The following TAF1B variants were observed in gnomAD, a reference collection of about 807,000 sequenced individuals.
The protein encoded by TAF1B is TATA-box binding protein associated factor, RNA polymerase I subunit B, also known as TATA box-binding protein-associated factor RNA polymerase I subunit B.
TAF1B carries 61 observed loss-of-function variants against 83.9 expected under a neutral mutation model. That is an observed-to-expected ratio of 0.73 (90% CI 0.59 to 0.90). The LOEUF (loss-of-function observed/expected upper bound fraction) is 0.90, where lower values mean the gene tolerates loss of function less well. TAF1B is among the 40% of genes least tolerant of loss of function. The pLI is 0.00. For synonymous variants in TAF1B, 221 were observed against 224.6 expected, an observed-to-expected ratio of 0.98 and a Z score of 0.14; for missense variants, 625 against 677.0, an observed-to-expected ratio of 0.92 and a Z score of 0.85.
At chr2:9,849,711 A>T (rs186662573) in intron 3 of TAF1B, among the ~76,000 whole-genome samples, 12 of 152,320 alleles carry the variant, frequency 7.9e-5, no homozygotes, top group East Asian at 3.9e-4. Flanking sequence ...GTTAAATATG[A>T]TATTCAACTT....
intron 14 of TAF1B, among the ~76,000 whole-genome samples, chr2:9,929,613 A>G (rs868841648): frequency 5.8e-4 from 88 of 152,290 alleles, no homozygotes; most frequent in African/African-American, 1.9e-3. Flanking sequence ...TTTTTGTATC[A>G]ATGTTCATCA....
At chr2:9,891,521 A>C (rs1371421781) in intron 8 of TAF1B, among the ~76,000 whole-genome samples, 1 of 152,188 alleles carries the variant, frequency 6.6e-6, no homozygotes, top group Non-Finnish European at 1.5e-5. Flanking sequence ...TGTTACTGTT[A>C]CTGGTTTATG....
chr2:9,919,798 A>G lies in TAF1B; in HGVS notation c.1543A>G (p.Ser515Gly). The G allele has an allele frequency of 6.2e-7, 1 of 1,614,080 alleles. No individual in the cohort carries two copies. The change falls in exon 14 of 15, where the codon AGT becomes GGT. Residue 515 changes from serine to glycine, a missense_variant. Coordinates refer to ENST00000263663, the MANE Select transcript of TAF1B (RefSeq NM_005680.3). ...LLTKNSLYWL[S>G]TQKFCRCYCT... ...GACTAAGAATTCATTATATTGGCTT[A>G]GTACACAGAAATTCTGCAGATGGTA...
chr2:9,854,035 A>G (rs1663482311), intron 4 of TAF1B, among the ~76,000 whole-genome samples: 1 of 152,166 alleles, frequency 6.6e-6, no homozygotes, highest in South Asian at 2.1e-4. Context: ...ATACATTTAG[A>G]TGGAAGACTT....
intron 14 of TAF1B, among the ~76,000 whole-genome samples, chr2:9,920,453 A>T (rs1665839011): frequency 6.6e-6 from 1 of 151,872 alleles, no homozygotes. Context: ...GATGTTACAC[A>T]ATGTTTCTGA....
chr2:9,918,052 A>G (rs1351918423), intron 12 of TAF1B, among the ~76,000 whole-genome samples: 1 of 150,490 alleles, frequency 6.6e-6, no homozygotes, highest in Non-Finnish European at 1.5e-5. Context: ...AGCCTGGGCG[A>G]CAGAGCGAGA....
chr2:9,858,691 A>G (rs1249124429), intron 5 of TAF1B, among the ~76,000 whole-genome samples: 1 of 152,224 alleles, frequency 6.6e-6, no homozygotes, highest in Non-Finnish European at 1.5e-5. Context: ...ATGCACCCAC[A>G]GGCCCATCGC....
At chr2:9,927,849 C>T (rs527998068) in intron 14 of TAF1B, among the ~76,000 whole-genome samples, 3 of 152,280 alleles carry the variant, frequency 2.0e-5, no homozygotes, top group South Asian at 4.1e-4. Context: ...TTTTGCTGTG[C>T]AGAAGCTTGT....
chr2:9,927,401 G>C (rs945771456), intron 14 of TAF1B, among the ~76,000 whole-genome samples: 19 of 152,160 alleles, frequency 1.2e-4, no homozygotes, highest in Non-Finnish European at 2.5e-4. Flanking sequence ...GGGGATCACT[G>C]GGTCAAACTG....
chr2:9,932,359 A>G (rs1414126462), intron 14 of TAF1B, among the ~76,000 whole-genome samples: 1 of 150,534 alleles, frequency 6.6e-6, no homozygotes, highest in African/African-American at 2.4e-5. Context: ...TTTGTTGTGG[A>G]TGTCCTTTTT....
intron 14 of TAF1B, among the ~76,000 whole-genome samples, chr2:9,928,652 T>A (rs539152064): frequency 6.6e-6 from 1 of 151,158 alleles, no homozygotes; most frequent in South Asian, 2.1e-4. Context: ...ATGATTTAGC[T>A]CTCTGTTTGT....
chr2:9,870,507 G>A (rs1457804377), intron 6 of TAF1B, among the ~76,000 whole-genome samples: 1 of 152,108 alleles, frequency 6.6e-6, no homozygotes, highest in Non-Finnish European at 1.5e-5. Context: ...AAAATTTGTA[G>A]TCTACCTTCA....
At chr2:9,882,625 T>A (rs572989217) in intron 7 of TAF1B, 81 bp from the exon 8 acceptor site, 1 of 815,822 alleles carries the variant, frequency 1.2e-6, no homozygotes, top group African/African-American at 1.8e-5. Flanking sequence ...TGTCTTTGAA[T>A]TAAGAGATTT....
intron 5 of TAF1B, among the ~76,000 whole-genome samples, chr2:9,863,777 C>T (rs970605678): frequency 2.6e-5 from 4 of 152,154 alleles, no homozygotes; most frequent in African/African-American, 9.7e-5. Context: ...CAAACTAGAA[C>T]TCAAGATTAA....
intron 4 of TAF1B, chr2:9,852,197 G>T: frequency 3.3e-6 from 1 of 298,784 alleles, no homozygotes; most frequent in South Asian, 3.2e-5. Flanking sequence ...CCAAGAATGT[G>T]CATTTCTAAC....
chr2:9,886,968 G>A (rs1167531759), intron 8 of TAF1B, among the ~76,000 whole-genome samples: 1 of 152,140 alleles, frequency 6.6e-6, no homozygotes, highest in Non-Finnish European at 1.5e-5. Flanking sequence ...GGGAGGCTGA[G>A]GCAGGAGAAT....
intron 14 of TAF1B, among the ~76,000 whole-genome samples, chr2:9,927,031 C>A (rs1172802074): frequency 1.3e-5 from 2 of 150,474 alleles, no homozygotes; most frequent in Admixed American, 1.3e-4. Flanking sequence ...TGCCCCCACC[C>A]CACGACAGGC....
In TAF1B at chr2:9,897,570, C is replaced by T. The variant is rs1443077958; in HGVS notation, c.808-7289C>T. On this transcript the variant is annotated intron_variant, in intron 8 of 14. Coordinates refer to ENST00000263663, the MANE Select transcript of TAF1B (RefSeq NM_005680.3). ...AGATGTAATACTGGGTCAGCCAAAC[C>T]CACTGCGTGGCACTTAGCCAGGATG... Among the ~76,000 whole-genome samples the T allele has an allele frequency of 5.9e-5, 9 of 152,116 alleles. 1 individual carries two copies.
At chr2:9,881,084 A>G (rs1282787264) in intron 7 of TAF1B, among the ~76,000 whole-genome samples, 1 of 152,154 alleles carries the variant, frequency 6.6e-6, no homozygotes, top group African/African-American at 2.4e-5. Flanking sequence ...CTGTAATTCC[A>G]GCACTGTGGG....
Sources: gnomAD v4.1 joint callset for allele counts (sites outside exome capture counted in the v4.1 genomes callset) on GRCh38, gnomAD v4.1.1 for gene constraint, MANE v1.5 for transcripts, NCBI Gene and HGNC (gene_info 2026-07-23, HGNC 2026-07-21) for gene names.